ARPC1A: variants seen among roughly 807,000 people sequenced by gnomAD.
ARPC1A encodes actin related protein 2/3 complex subunit 1A, also known as actin-related protein 2/3 complex subunit 1A.
Under a neutral mutation model 46.9 loss-of-function variants are expected in ARPC1A, and 8 were observed. The observed-to-expected ratio is 0.17, with a 90% CI of 0.10 to 0.31. The LOEUF (loss-of-function observed/expected upper bound fraction) is 0.31. Among genes scored for constraint, ARPC1A ranks in the 10% least tolerant of loss-of-function variants. The probability of loss-of-function intolerance (pLI) is 1.00; values close to 1 mark genes in which losing one functional copy is unlikely to be tolerated. For missense variants in ARPC1A, 286 were observed against 483.6 expected (o/e 0.59, Z 3.83); for synonymous variants, 152 against 169.0 (o/e 0.90, Z 0.78).
chr7:99,354,888 G>C (rs556724548), intron 6 of ARPC1A, among the ~76,000 whole-genome samples: 4 of 151,956 alleles, frequency 2.6e-5, no homozygotes, highest in African/African-American at 9.7e-5. Context: ...TGAGGCGGGC[G>C]GATCACTTGA....
At chr7:99,336,553 G>A (rs999176016) in intron 2 of ARPC1A, among the ~76,000 whole-genome samples, 5 of 140,232 alleles carry the variant, frequency 3.6e-5, no homozygotes, top group Admixed American at 2.3e-4. Flanking sequence ...GTGCAGTGAC[G>A]TGATCTCGGC....
At chr7:99,343,832 T>C (rs1793394763) in intron 3 of ARPC1A, among the ~76,000 whole-genome samples, 1 of 152,188 alleles carries the variant, frequency 6.6e-6, no homozygotes, top group Non-Finnish European at 1.5e-5. Context: ...CACTAAAGAT[T>C]ATTTTTATTT....
At chr7:99,332,719 G>A (rs1420427816) in intron 1 of ARPC1A, among the ~76,000 whole-genome samples, 3 of 146,382 alleles carry the variant, frequency 2.0e-5, no homozygotes, top group Non-Finnish European at 3.0e-5. Context: ...CTCCTGTCTC[G>A]GCCTCCCAAG....
At chr7:99,357,686 A>G (rs1323933126) in intron 6 of ARPC1A, among the ~76,000 whole-genome samples, 3 of 152,158 alleles carry the variant, frequency 2.0e-5, no homozygotes, top group African/African-American at 7.2e-5. Context: ...CTAACTCATC[A>G]GCCAGTGTGT....
chr7:99,361,368 T>G (rs1447472721), intron 8 of ARPC1A, among the ~76,000 whole-genome samples: 2 of 151,806 alleles, frequency 1.3e-5, no homozygotes, highest in Non-Finnish European at 2.9e-5. Context: ...GCTGGCTGTG[T>G]TGGCACGCAC....
chr7:99,350,401 T>C (rs1180613244), intron 5 of ARPC1A, among the ~76,000 whole-genome samples: 1 of 152,222 alleles, frequency 6.6e-6, no homozygotes, highest in African/African-American at 2.4e-5. Context: ...TAAGCTGTTA[T>C]TGTGCTGTTC....
intron 8 of ARPC1A, among the ~76,000 whole-genome samples, chr7:99,362,366 CTG>C (rs1374204675): frequency 5.6e-5 from 7 of 125,256 alleles, no homozygotes; most frequent in African/African-American, 2.2e-4. Flanking sequence ...GATGGAGTCT[CTG>C]TCACCCAGGC....
intron 5 of ARPC1A, among the ~76,000 whole-genome samples, chr7:99,351,193 T>C (rs1793538282): frequency 6.6e-6 from 1 of 152,124 alleles, no homozygotes; most frequent in Admixed American, 6.6e-5. Context: ...GATTCTTTGA[T>C]GGTTGTGAAA....
At chr7:99,357,348 T>C (rs145988766) in intron 6 of ARPC1A, among the ~76,000 whole-genome samples, 41 of 152,202 alleles carry the variant, frequency 2.7e-4, no homozygotes, top group African/African-American at 8.9e-4. Flanking sequence ...CTGAGACATA[T>C]ACAGTTAGCT....
At chr7:99,345,369 C>G (rs1007080077) in intron 4 of ARPC1A, among the ~76,000 whole-genome samples, 1 of 152,184 alleles carries the variant, frequency 6.6e-6, no homozygotes, top group African/African-American at 2.4e-5. Context: ...TAAATTACTT[C>G]TTGCTGACCC....
chr7:99,342,716 CTTT>C (rs555524613), intron 3 of ARPC1A, among the ~76,000 whole-genome samples: 2 of 101,928 alleles, frequency 2.0e-5, no homozygotes, highest in Non-Finnish European at 1.8e-5. Flanking sequence ...CTTCATACTA[CTTT>C]TTTTTTTTTT....
intron 4 of ARPC1A, among the ~76,000 whole-genome samples, chr7:99,344,890 C>T (rs1584379815): frequency 3.1e-5 from 2 of 63,720 alleles, no homozygotes; most frequent in Non-Finnish European, 6.5e-5. Flanking sequence ...CACAGGATAT[C>T]TATGTAGGAT....
At chr7:99,345,684 G>C (rs6972337) in intron 4 of ARPC1A, among the ~76,000 whole-genome samples, 53,103 of 151,928 alleles carry the variant, frequency 0.35, 15,479 homozygotes, top group African/African-American at 0.8. Flanking sequence ...ATTTTTCTGT[G>C]TGGCATGTGT....
intron 9 of ARPC1A, among the ~76,000 whole-genome samples, chr7:99,365,615 TAAAA>T (rs3052172): frequency 5.8e-5 from 8 of 138,190 alleles, no homozygotes; most frequent in African/African-American, 1.6e-4. Flanking sequence ...ACCCTATCTT[TAAAA>T]AAAAAAAAAA....
intron 1 of ARPC1A, among the ~76,000 whole-genome samples, chr7:99,326,505 A>T (rs909015144): frequency 2.6e-5 from 4 of 152,004 alleles, no homozygotes; most frequent in African/African-American, 9.7e-5. Context: ...TTCTTTTAAG[A>T]TTTCCCTGCA....
chr7:99,353,806 A>T, intron 5 of ARPC1A, 103 bp from the exon 6 acceptor site: 2 of 1,164,362 alleles, frequency 1.7e-6, no homozygotes, highest in Non-Finnish European at 2.5e-6. Context: ...TAATGAGTCA[A>T]CCTCTTTGCA....
rs1005936127 is a variant in ARPC1A at position 99,366,145 on chromosome 7, G to T, written c.*216G>T. 2.2e-5 allele frequency: 13 copies of T among 580,734 alleles called. No individual in the cohort carries two copies. Among genetic ancestry groups the T allele is most frequent in the Non-Finnish European group, 3.9e-5 (13 of 332,180 alleles). 36.0% of individuals were successfully genotyped at this position (580,734 alleles called of 1,614,324 possible). A position where few individuals can be genotyped will look rare whatever the true frequency, so the allele number is the denominator to read the frequency against. ...TTTTTTGCGATTTCATTCCATTCTT[G>T]ACCAAAGCTTCTCTTTAAGTAGTTT... On this transcript the variant is annotated 3_prime_UTR_variant, in exon 10 of 10. Coordinates refer to ENST00000262942, the MANE Select transcript of ARPC1A (RefSeq NM_006409.4).
intron 8 of ARPC1A, 146 bp downstream of exon 8, chr7:99,359,884 C>T: frequency 1.1e-6 from 1 of 940,552 alleles, no homozygotes; most frequent in Non-Finnish European, 1.6e-6. Flanking sequence ...TCTGTATCTT[C>T]CCGACCGCCA....
chr7:99,338,383 T>TTTTTTTTTTTTTTC (rs1793293916), intron 3 of ARPC1A, 98 bp downstream of exon 3: 1 of 678,464 alleles, frequency 1.5e-6, no homozygotes, highest in African/African-American at 2.5e-5. Flanking sequence ...CCATAATTTT[T>TTTTTTTTTTTTTTC]TTTTTTTTTT....
Sources: gnomAD v4.1 joint callset for allele counts (sites outside exome capture counted in the v4.1 genomes callset) on GRCh38, gnomAD v4.1.1 for gene constraint, MANE v1.5 for transcripts, NCBI Gene and HGNC (gene_info 2026-07-23, HGNC 2026-07-21) for gene names.